The following TAF3 variants were observed in gnomAD, a reference collection of about 807,000 sequenced individuals.
The protein encoded by TAF3 is transcription initiation factor TFIID subunit 3.
Under a neutral mutation model 80.6 loss-of-function variants are expected in TAF3, and 7 were observed. The ratio of observed to expected loss-of-function variants is 0.09; its 90% CI spans 0.05 to 0.16. The LOEUF is 0.16. TAF3 is among the 10% of genes least tolerant of loss of function. TAF3 has a pLI of 1.00. For missense variants in TAF3, 921 were observed against 1,140.2 expected, an observed-to-expected ratio of 0.81 and a Z score of 2.77; for synonymous variants, 444 against 446.1, an observed-to-expected ratio of 1.00 and a Z score of 0.06.
At chr10:7,994,761 G>A (rs897129708) in intron 4 of TAF3, among the ~76,000 whole-genome samples, 1 of 149,922 alleles carries the variant, frequency 6.7e-6, no homozygotes, top group Admixed American at 6.6e-5. Context: ...TCAGGAGATC[G>A]AGACCATCCT....
chr10:7,840,812 C>G (rs1343356208), intron 2 of TAF3, among the ~76,000 whole-genome samples: 1 of 152,066 alleles, frequency 6.6e-6, no homozygotes, highest in African/African-American at 2.4e-5. Flanking sequence ...CTGCTTACAG[C>G]CACATAGAAC....
intron 6 of TAF3, 91 bp from the exon 7 acceptor site, chr10:8,014,546 A>T: frequency 8.7e-7 from 1 of 1,144,146 alleles, no homozygotes; most frequent in Non-Finnish European, 1.2e-6. Flanking sequence ...TAAACATGTC[A>T]TAGACTCTAA....
chr10:7,860,870 G>C (rs1035428430), intron 2 of TAF3, among the ~76,000 whole-genome samples: 1 of 150,390 alleles, frequency 6.6e-6, no homozygotes, highest in Non-Finnish European at 1.5e-5. Context: ...TGTGATCTCG[G>C]GTCGCTGCAA....
At chr10:7,989,553 A>T (rs1831814302) in intron 4 of TAF3, among the ~76,000 whole-genome samples, 1 of 152,258 alleles carries the variant, frequency 6.6e-6, no homozygotes, top group South Asian at 2.1e-4. Context: ...TGCGTAGTCA[A>T]ATGTAATATT....
chr10:8,015,115 T>G lies in TAF3; in HGVS notation c.*364T>G. The G allele has an allele frequency of 5.9e-6, 1 of 169,412 alleles. No homozygotes were observed. The highest frequency in any genetic ancestry group is 1.3e-5 in the Non-Finnish European group (1 of 77,542). The allele number at this position is 169,412 out of a possible 1,614,324, so 10.5% of individuals were successfully genotyped here. ...ATTGAGGTATTAGATGAGAAGATAA[T>G]GTACAAACTGCCTCAACTGTAATTT... On this transcript the variant is annotated 3_prime_UTR_variant, in exon 7 of 7. Coordinates refer to ENST00000344293, the MANE Select transcript of TAF3 (RefSeq NM_031923.4).
chr10:7,880,659 A>G (rs576327199), intron 2 of TAF3, among the ~76,000 whole-genome samples: 1 of 152,276 alleles, frequency 6.6e-6, no homozygotes, highest in African/African-American at 2.4e-5. Flanking sequence ...TCTACACAGT[A>G]CATGTTGTAT....
chr10:7,995,982 G>C (rs959388415), intron 4 of TAF3, among the ~76,000 whole-genome samples: 1 of 152,144 alleles, frequency 6.6e-6, no homozygotes, highest in Non-Finnish European at 1.5e-5. Flanking sequence ...ACAGTTTGGC[G>C]TCTTAAGGAC....
At chr10:7,968,868 A>AT (rs1395039494) in intron 3 of TAF3, among the ~76,000 whole-genome samples, 1 of 152,202 alleles carries the variant, frequency 6.6e-6, no homozygotes, top group African/African-American at 2.4e-5. Context: ...AGAAGTTCAA[A>AT]TTGTTTTTCT....
At chr10:7,870,182 T>C (rs1837251712) in intron 2 of TAF3, among the ~76,000 whole-genome samples, 1 of 152,236 alleles carries the variant, frequency 6.6e-6, no homozygotes, top group Non-Finnish European at 1.5e-5. Flanking sequence ...AACTTTGAAC[T>C]CATTCTTATG....
intron 3 of TAF3, among the ~76,000 whole-genome samples, chr10:7,976,277 TG>T (rs1210706387): frequency 6.6e-6 from 1 of 151,788 alleles, no homozygotes; most frequent in Non-Finnish European, 1.5e-5. Flanking sequence ...GATGGAGTCT[TG>T]CTCTGTCACC....
intron 2 of TAF3, among the ~76,000 whole-genome samples, chr10:7,946,580 A>G (rs1838026398): frequency 6.6e-6 from 1 of 152,190 alleles, no homozygotes; most frequent in African/African-American, 2.4e-5. Context: ...AAAATTATCC[A>G]GGCGTAGTAG....
Position 8,015,954 on chromosome 10 carries a change from G to A in TAF3, c.*1203G>A, listed in dbSNP as rs1207852783. 6.6e-6 allele frequency: 1 copy of A among 151,632 alleles called. No individual in the cohort carries two copies. Among genetic ancestry groups the A allele is most frequent in the Non-Finnish European group, 1.5e-5 (1 of 67,980 alleles). 9.4% of individuals were successfully genotyped at this position (151,632 alleles called of 1,614,324 possible). A position where few individuals can be genotyped will look rare whatever the true frequency, so the allele number is the denominator to read the frequency against. On this transcript the variant is annotated 3_prime_UTR_variant, in exon 7 of 7. Transcript: ENST00000344293. ...CTGTTCATTAATATTGTGCTTTAAG[G>A]CTGAAATGAAGTATATTATGAATTT...
chr10:7,824,268 A>G (rs754617528), intron 1 of TAF3, 50 bp from the exon 2 acceptor site: 6 of 1,566,918 alleles, frequency 3.8e-6, no homozygotes, highest in Non-Finnish European at 5.2e-6. Context: ...TTAAAAATAT[A>G]TTCGTGGGAT....
chr10:7,877,091 C>T (rs1043449489), intron 2 of TAF3, among the ~76,000 whole-genome samples: 1 of 151,108 alleles, frequency 6.6e-6, no homozygotes, highest in Non-Finnish European at 1.5e-5. Flanking sequence ...TGTTACTGTC[C>T]TTTCTTGGAT....
intron 4 of TAF3, among the ~76,000 whole-genome samples, chr10:8,007,781 AGAT>A (rs1330302342): frequency 3.3e-5 from 5 of 151,786 alleles, no homozygotes. Flanking sequence ...GGACTGGATG[AGAT>A]GATGTTTGTA....
chr10:7,944,125 G>GTGTA (rs1443980260), intron 2 of TAF3, among the ~76,000 whole-genome samples: 1 of 151,478 alleles, frequency 6.6e-6, no homozygotes, highest in Non-Finnish European at 1.5e-5. Context: ...GTGTGTGTGT[G>GTGTA]TGTGTGTGTG....
At chr10:7,885,182 TAATC>T (rs921312222) in intron 2 of TAF3, among the ~76,000 whole-genome samples, 8 of 151,692 alleles carry the variant, frequency 5.3e-5, no homozygotes, top group South Asian at 2.1e-4. Flanking sequence ...AGTGTGAAAA[TAATC>T]AAGCCACTGA....
chr10:7,818,641 CT>C lies in TAF3; in HGVS notation c.-68del. 4 of 1,541,214 alleles carry C rather than the reference CT, an allele frequency of 2.6e-6. No homozygotes were observed. Among genetic ancestry groups the C allele is most frequent in the Non-Finnish European group, 3.5e-6 (4 of 1,148,862 alleles). Reference sequence around the variant, plus strand: ...AGCCCTAGAGGATGAATCGGGGACCCTGCTAAGGTCTGGCGGCGGGGCTGGA... The same window carrying C: ...AGCCCTAGAGGATGAATCGGGGACCCGCTAAGGTCTGGCGGCGGGGCTGGA... On this transcript the variant is annotated 5_prime_UTR_variant, in exon 1 of 7. The change abolishes the stop of an existing upstream ORF in the 5' untranslated region. Coordinates refer to ENST00000344293, the MANE Select transcript of TAF3 (RefSeq NM_031923.4).
chr10:7,964,983 T>C lies in TAF3; in HGVS notation c.1473T>C (p.Tyr491=). The change falls in exon 3 of 7, where the codon TAT becomes TAC. Residue 491 remains tyrosine (Y), a synonymous_variant. Transcript: ENST00000344293. This position sits in a 1 kb window ranked among gnomAD's most constrained non-coding sequence, Gnocchi z 4.1. The part of the protein sequence containing the change: ...TPSNMPPNFP[Y]ISSPSVSPPT... ...CAAATATGCCCCCCAACTTTCCTTA[T>C]ATCTCTTCTCCGTCAGTGTCTCCTC... is the stretch of plus-strand genomic sequence containing the variant. 4 of 1,614,104 alleles carry C rather than the reference T, an allele frequency of 2.5e-6. No homozygotes were observed. The highest frequency in any genetic ancestry group is 2.5e-6 in the Non-Finnish European group (3 of 1,180,018).
Sources: allele counts gnomAD v4.1 joint callset (sites outside exome capture counted in the v4.1 genomes callset), GRCh38; gene constraint gnomAD v4.1.1; non-coding constraint Gnocchi (gnomAD v3.1); transcripts MANE v1.5; gene names NCBI Gene and HGNC (gene_info 2026-07-23, HGNC 2026-07-21).